The following SHISA9 variants were observed in gnomAD, a reference collection of about 807,000 sequenced individuals.
SHISA9 encodes the protein protein shisa-9.
SHISA9 carries 13 observed loss-of-function variants against 38.0 expected under a neutral mutation model. The observed-to-expected ratio is 0.34, with a 90% CI of 0.22 to 0.54. The LOEUF (loss-of-function observed/expected upper bound fraction) is 0.54, where lower values mean the gene tolerates loss of function less well. SHISA9 is among the 20% of genes least tolerant of loss of function. The pLI is 0.91. For missense variants in SHISA9, 538 were observed against 575.8 expected, an observed-to-expected ratio of 0.93 and a Z score of 0.67; for synonymous variants, 275 against 242.0, an observed-to-expected ratio of 1.14 and a Z score of -1.27.
At chr16:12,950,037 A>T (rs1430371081) in intron 2 of SHISA9, among the ~76,000 whole-genome samples, 1 of 152,212 alleles carries the variant, frequency 6.6e-6, no homozygotes, top group African/African-American at 2.4e-5. Context: ...TACTTGTCAC[A>T]GCCTATGGTA....
chr16:13,446,706 G>A, the SHISA9 span, among the ~76,000 whole-genome samples: 1 of 152,128 alleles, frequency 6.6e-6, no homozygotes, highest in African/African-American at 2.4e-5. Context: ...GCTGGGCGCG[G>A]TGGCTTACTC....
chr16:13,030,026 T>A (rs1339123187), intron 2 of SHISA9, among the ~76,000 whole-genome samples: 1 of 152,246 alleles, frequency 6.6e-6, no homozygotes, highest in African/African-American at 2.4e-5. Flanking sequence ...CTGAATGAGA[T>A]CATTCATATC....
chr16:13,384,244 A>G, the SHISA9 span, among the ~76,000 whole-genome samples: 1 of 152,210 alleles, frequency 6.6e-6, no homozygotes, highest in African/African-American at 2.4e-5. Context: ...AGGACAATGA[A>G]TGCAGATTTC....
chr16:13,341,819 A>G, the SHISA9 span, among the ~76,000 whole-genome samples: 3 of 152,214 alleles, frequency 2.0e-5, no homozygotes, highest in Non-Finnish European at 4.4e-5. Context: ...TAGCAGAGAC[A>G]TACTGATTCA....
chr16:13,141,454 A>C (rs1247659113), intron 2 of SHISA9, among the ~76,000 whole-genome samples: 1 of 152,054 alleles, frequency 6.6e-6, no homozygotes, highest in African/African-American at 2.4e-5. Context: ...TGGGAGGCCA[A>C]GGCAAGCAGA....
chr16:13,267,473 A>G, the SHISA9 span, among the ~76,000 whole-genome samples: 1 of 152,184 alleles, frequency 6.6e-6, no homozygotes. Context: ...CCTTTTGGAA[A>G]GCAACTTGGC....
the SHISA9 span, among the ~76,000 whole-genome samples, chr16:13,437,123 C>T: frequency 3.3e-5 from 5 of 152,036 alleles, no homozygotes; most frequent in East Asian, 1.9e-4. Flanking sequence ...GGATGAGATT[C>T]GGGTGGGGAC....
chr16:13,478,560 G>A, the SHISA9 span, among the ~76,000 whole-genome samples: 337 of 152,248 alleles, frequency 2.2e-3, 1 homozygote, highest in Non-Finnish European at 4.2e-3. Flanking sequence ...TGCAAGCATT[G>A]AACTAGATCA....
intron 2 of SHISA9, among the ~76,000 whole-genome samples, chr16:13,160,083 A>T (rs1567231375): frequency 6.6e-6 from 1 of 152,212 alleles, no homozygotes; most frequent in Non-Finnish European, 1.5e-5. Flanking sequence ...GAAGATTGGG[A>T]AACTTTAAGT....
intron 2 of SHISA9, among the ~76,000 whole-genome samples, chr16:12,970,005 G>GGGAGA (rs1188771539): frequency 6.6e-6 from 1 of 151,732 alleles, no homozygotes; most frequent in East Asian, 1.9e-4. Context: ...AAATGAGATG[G>GGGAGA]GGAGAGGCAC....
At chr16:13,143,093 G>A (rs1248073059) in intron 2 of SHISA9, among the ~76,000 whole-genome samples, 1 of 151,564 alleles carries the variant, frequency 6.6e-6, no homozygotes, top group East Asian at 1.9e-4. Context: ...TGCAACCTCT[G>A]CCTCCCGGAT....
At chr16:13,283,531 A>G in the SHISA9 span, among the ~76,000 whole-genome samples, 3 of 152,070 alleles carry the variant, frequency 2.0e-5, no homozygotes, top group Admixed American at 2.0e-4. Flanking sequence ...AGAGAATGAG[A>G]GCCAAGCAAA....
chr16:13,308,323 A>G, the SHISA9 span, among the ~76,000 whole-genome samples: 1 of 152,150 alleles, frequency 6.6e-6, no homozygotes, highest in South Asian at 2.1e-4. Context: ...CACCATATAA[A>G]TTTCAAATGG....
chr16:13,323,824 GTCTC>G, the SHISA9 span, among the ~76,000 whole-genome samples: 1 of 152,238 alleles, frequency 6.6e-6, no homozygotes, highest in East Asian at 1.9e-4. Context: ...CTCCCACCAG[GTCTC>G]TCTCTCGACA....
the SHISA9 span, among the ~76,000 whole-genome samples, chr16:13,400,692 G>A: frequency 1.3e-5 from 2 of 152,130 alleles, no homozygotes; most frequent in Admixed American, 6.6e-5. Flanking sequence ...CAATAACCCT[G>A]ACTCCATGTC....
intron 4 of SHISA9, among the ~76,000 whole-genome samples, chr16:13,215,248 C>T (rs958758052): frequency 4.6e-5 from 7 of 152,114 alleles, no homozygotes; most frequent in Non-Finnish European, 1.5e-5. Context: ...GATTCCTGGG[C>T]CTTACCCAGG....
chr16:13,393,953 C>T, the SHISA9 span, among the ~76,000 whole-genome samples: 1 of 152,196 alleles, frequency 6.6e-6, no homozygotes, highest in Non-Finnish European at 1.5e-5. Context: ...GAAATATGCA[C>T]TCACACTCTT....
At chr16:13,493,854 C>T in the SHISA9 span, among the ~76,000 whole-genome samples, 1 of 152,110 alleles carries the variant, frequency 6.6e-6, no homozygotes, top group African/African-American at 2.4e-5. Context: ...TTGAGTGGAT[C>T]AATACATACA....
At chr16:13,264,169 T>A in the SHISA9 span, among the ~76,000 whole-genome samples, 13 of 140,682 alleles carry the variant, frequency 9.2e-5, no homozygotes, top group East Asian at 7.0e-4. Flanking sequence ...TTGTTTTAAA[T>A]CTTTTTTTTT....
Sources: allele counts gnomAD v4.1 joint callset (sites outside exome capture counted in the v4.1 genomes callset), GRCh38; gene constraint gnomAD v4.1.1; transcripts MANE v1.5; gene names NCBI Gene and HGNC (gene_info 2026-07-23, HGNC 2026-07-21).